The following CCDC150 variants were observed in gnomAD, a reference collection of about 807,000 sequenced individuals.
CCDC150 encodes coiled-coil domain containing 150.
In CCDC150, 151 loss-of-function variants were observed where a neutral mutation model predicts 156.5. The observed-to-expected ratio is 0.97, with a 90% CI of 0.85 to 1.10. The LOEUF (loss-of-function observed/expected upper bound fraction) is 1.10. Among genes scored for constraint, CCDC150 ranks in the 50% least tolerant of loss-of-function variants. CCDC150 has a pLI of 0.00. For synonymous variants in CCDC150, 452 were observed against 429.4 expected, an observed-to-expected ratio of 1.05 and a Z score of -0.65; for missense variants, 1,312 against 1,268.1, an observed-to-expected ratio of 1.03 and a Z score of -0.53.
In CCDC150 at chr2:196,672,395, G is replaced by A. The variant is rs747696019; in HGVS notation, c.987G>A (p.Arg329=). The change falls in exon 9 of 28, where the codon AGG becomes AGA. Residue 329 remains arginine, a synonymous_variant. Coordinates refer to ENST00000389175, the MANE Select transcript of CCDC150 (RefSeq NM_001080539.2). ...AACATGAAGAAAATGCATATTTGAG[G>A]TCCGAAATAATGTCTCTTCATGAAG... is the stretch of plus-strand genomic sequence containing the variant. ...NKEHEENAYL[R]SEIMSLHEAS... 6.5e-7 allele frequency: 1 copy of A among 1,546,974 alleles called. No individual in the cohort carries two copies. The highest frequency in any genetic ancestry group is 8.7e-7 in the Non-Finnish European group (1 of 1,148,942).
At chr2:196,668,299 A>T (rs1009113872) in intron 7 of CCDC150, among the ~76,000 whole-genome samples, 4 of 123,542 alleles carry the variant, frequency 3.2e-5, no homozygotes, top group African/African-American at 2.0e-4. Context: ...TCCATCTAAA[A>T]AAAAAAAAAA....
chr2:196,645,576 C>T (rs184130712), intron 1 of CCDC150, among the ~76,000 whole-genome samples: 2 of 152,304 alleles, frequency 1.3e-5, no homozygotes, highest in East Asian at 1.9e-4. Flanking sequence ...TGTCATTGAA[C>T]GTGATTCATT....
In CCDC150 at chr2:196,729,352, A is replaced by G. The variant is rs1410234595; in HGVS notation, c.2716A>G (p.Lys906Glu). The G allele has an allele frequency of 1.2e-6, 2 of 1,613,958 alleles. No homozygotes were observed. Among genetic ancestry groups the G allele is most frequent in the Admixed American group, 3.3e-5 (2 of 60,028 alleles). ...CCAAATTAAGCTCCACTTGTCAGCTAAGGCGAATAATGCTCAGAATATAGA... is the reference window on the plus strand; with the variant it reads ...CCAAATTAAGCTCCACTTGTCAGCTGAGGCGAATAATGCTCAGAATATAGA... ...KTQIKLHLSA[K>E]ANNAQNIERM... The change falls in exon 23 of 28, where the codon AAG (lysine) becomes GAG (glutamate). Residue 906 changes from lysine to glutamate, a missense_variant. Physicochemically the swap from Lys to Glu is moderately conservative, Grantham distance 56. Transcript: ENST00000389175.
intron 10 of CCDC150, 38 bp downstream of exon 10, chr2:196,674,386 C>A (rs1171211282): frequency 3.1e-6 from 4 of 1,291,156 alleles, no homozygotes; most frequent in South Asian, 1.3e-5. Context: ...GAAAGCCAGC[C>A]TGGTTGATAG....
At position 196,676,694 on chromosome 2, in the gene CCDC150, A is replaced by C. The variant is rs756319209; in HGVS notation, c.1403A>C (p.Lys468Thr). The change falls in exon 12 of 28, where the codon AAG becomes ACG. Residue 468 changes from lysine to threonine, a missense_variant. Lys to Thr is a moderately conservative substitution (Grantham distance 78, BLOSUM62 -1). Transcript: ENST00000389175. ...TTGGAAGCATCAATGCAAGAGAAGA[A>C]GTCTCTGCTAGAGGAGAAAGAAAGA... ...GELEASMQEK[K>T]SLLEEKERFQ... 4 of 1,613,760 alleles carry C rather than the reference A, an allele frequency of 2.5e-6. No homozygotes were observed. Among genetic ancestry groups the C allele is most frequent in the Non-Finnish European group, 3.4e-6 (4 of 1,179,702 alleles).
intron 1 of CCDC150, among the ~76,000 whole-genome samples, chr2:196,643,886 A>G (rs1692379716): frequency 6.6e-6 from 1 of 152,204 alleles, no homozygotes; most frequent in Non-Finnish European, 1.5e-5. Context: ...AAACAAAAAA[A>G]AGTTTTTTAT....
chr2:196,707,420 T>C (rs1207151578), intron 15 of CCDC150, among the ~76,000 whole-genome samples: 3 of 152,206 alleles, frequency 2.0e-5, no homozygotes, highest in African/African-American at 7.2e-5. Context: ...TTAGTCTTGC[T>C]AGCAGTCTAT....
At chr2:196,704,644 G>A (rs1436057220) in intron 15 of CCDC150, among the ~76,000 whole-genome samples, 1 of 152,032 alleles carries the variant, frequency 6.6e-6, no homozygotes, top group Non-Finnish European at 1.5e-5. Flanking sequence ...TTGGTTTGCT[G>A]CACCCATTAA....
Position 196,730,285 on chromosome 2 carries a change from G to T in CCDC150, c.2982+167G>T, listed in dbSNP as rs1483015569. Among the ~76,000 whole-genome samples, 4 of 152,220 alleles carry T rather than the reference G, an allele frequency of 2.6e-5. No homozygotes were observed. In the South Asian group the frequency reaches 8.3e-4, roughly 32 times the overall value. On this transcript the variant is annotated intron_variant, in intron 25 of 27. Transcript: ENST00000389175. ...AATAATAGTATCTAGGAAGAAGGCT[G>T]TAGTTTGAATATGGCAAATGTTCTC...
At chr2:196,666,653 TGCTATAAG>T in intron 6 of CCDC150, 58 bp from the exon 7 acceptor site, 1 of 1,317,314 alleles carries the variant, frequency 7.6e-7, no homozygotes, top group Non-Finnish European at 1.0e-6. Flanking sequence ...CTTATACATG[TGCTATAAG>T]GCAGCTTATT....
intron 17 of CCDC150, among the ~76,000 whole-genome samples, chr2:196,714,778 A>G (rs773521768): frequency 2.6e-5 from 4 of 152,026 alleles, no homozygotes; most frequent in Non-Finnish European, 4.4e-5. Flanking sequence ...ATCTAGTGGC[A>G]TTTTTGCATT....
Position 196,719,545 on chromosome 2 carries a change from A to G in CCDC150, c.2044A>G (p.Lys682Glu), listed in dbSNP as rs758960738. The G allele has an allele frequency of 8.7e-6, 14 of 1,612,342 alleles. No homozygotes were observed. The highest frequency in any genetic ancestry group is 7.7e-5 in the South Asian group (7 of 90,688). Residue 682 changes from lysine (K) to glutamate (E), a missense_variant, in exon 19 of 28, where the codon AAA (lysine) becomes GAA (glutamate). Physicochemically the swap from Lys to Glu is moderately conservative, Grantham distance 56 (BLOSUM62 1). Transcript: ENST00000389175. Reference protein sequence around the residue: ...QLAEAKEDNCKVTIMLENVLA... With the variant: ...QLAEAKEDNCEVTIMLENVLA... Reference sequence around the variant, plus strand: ...GGCAGAAGCTAAAGAAGACAACTGCAAAGTCACAATCATGTTGGAGAATGT... The same window carrying G: ...GGCAGAAGCTAAAGAAGACAACTGCGAAGTCACAATCATGTTGGAGAATGT...
intron 21 of CCDC150, among the ~76,000 whole-genome samples, chr2:196,724,495 C>T (rs1698098476): frequency 6.6e-6 from 1 of 152,012 alleles, no homozygotes; most frequent in African/African-American, 2.4e-5. Flanking sequence ...GGGTAATATG[C>T]TAAGGACTTC....
intron 14 of CCDC150, among the ~76,000 whole-genome samples, chr2:196,695,444 T>C (rs1695757197): frequency 6.6e-6 from 1 of 152,218 alleles, no homozygotes; most frequent in African/African-American, 2.4e-5. Context: ...TTGTATTTTT[T>C]TTCTCATCAG....
intron 15 of CCDC150, among the ~76,000 whole-genome samples, chr2:196,708,519 A>AT (rs945058462): frequency 1.5e-4 from 23 of 152,136 alleles, no homozygotes; most frequent in Admixed American, 1.4e-3. Flanking sequence ...TAAGGTTAAT[A>AT]TTTTTATGTG....
At chr2:196,685,193 T>C (rs1293491825) in intron 13 of CCDC150, among the ~76,000 whole-genome samples, 2 of 152,180 alleles carry the variant, frequency 1.3e-5, no homozygotes, top group African/African-American at 4.8e-5. Flanking sequence ...TATCATTTCT[T>C]TTATTCTGTA....
chr2:196,713,675 C>T, intron 17 of CCDC150: 2 of 1,418,658 alleles, frequency 1.4e-6, no homozygotes, highest in Non-Finnish European at 1.8e-6. Context: ...TTTTCTTAAA[C>T]AGGACTCGGT....
At chr2:196,648,658 A>C (rs1362505061) in intron 2 of CCDC150, among the ~76,000 whole-genome samples, 1 of 151,924 alleles carries the variant, frequency 6.6e-6, no homozygotes, top group Non-Finnish European at 1.5e-5. Context: ...CTATTTGTCT[A>C]TTTTTGCTTT....
chr2:196,702,031 A>T (rs950166745), intron 15 of CCDC150, among the ~76,000 whole-genome samples: 1 of 152,128 alleles, frequency 6.6e-6, no homozygotes, highest in African/African-American at 2.4e-5. Flanking sequence ...GGAGTTTGAG[A>T]CTAGCCTGGG....
Sources: gnomAD v4.1 joint callset for allele counts (sites outside exome capture counted in the v4.1 genomes callset) on GRCh38, gnomAD v4.1.1 for gene constraint, MANE v1.5 for transcripts, NCBI Gene and HGNC (gene_info 2026-07-23, HGNC 2026-07-21) for gene names.